The following INSL6 variants were observed in gnomAD, a reference collection of about 807,000 sequenced individuals.
The protein encoded by INSL6 is insulin like 6.
INSL6 carries 16 observed loss-of-function variants against 9.4 expected under a neutral mutation model. That is an observed-to-expected ratio of 1.70 (90% CI 1.15 to 2.59). The LOEUF (loss-of-function observed/expected upper bound fraction) is 2.59. INSL6 is among the 30% of genes most tolerant of loss of function. INSL6 has a pLI of 0.00. For synonymous variants in INSL6, 154 were observed against 96.9 expected (o/e 1.59, Z -3.46); for missense variants, 391 against 257.3 (o/e 1.52, Z -3.56).
intron 3 of INSL6, chr9:5,126,243 TA>T: frequency 1.2e-6 from 1 of 837,286 alleles, no homozygotes. Flanking sequence ...ACACATATAC[TA>T]AATTTTTTCC....
chr9:5,167,745 G>A (rs908273324), intron 1 of INSL6, among the ~76,000 whole-genome samples: 2 of 152,176 alleles, frequency 1.3e-5, no homozygotes, highest in Non-Finnish European at 2.9e-5. Flanking sequence ...CCAAGGGGCA[G>A]CCAGACTGCT....
intron 2 of INSL6, among the ~76,000 whole-genome samples, chr9:5,157,387 G>T (rs929683848): frequency 6.6e-6 from 1 of 152,052 alleles, no homozygotes; most frequent in Non-Finnish European, 1.5e-5. Flanking sequence ...TATGGTATTG[G>T]CATAATGATT....
At chr9:5,056,286 T>C in the INSL6 span, among the ~76,000 whole-genome samples, 2 of 152,112 alleles carry the variant, frequency 1.3e-5, no homozygotes, top group East Asian at 3.8e-4. Context: ...TTTTTTTAAA[T>C]AGCTTCAGAA....
chr9:5,078,923 G>C, the INSL6 span, among the ~76,000 whole-genome samples: 1 of 152,170 alleles, frequency 6.6e-6, no homozygotes, highest in African/African-American at 2.4e-5. Context: ...ACTTAACACA[G>C]TGGGTTAAAA....
chr9:4,999,351 T>G, the INSL6 span, among the ~76,000 whole-genome samples: 1 of 152,188 alleles, frequency 6.6e-6, no homozygotes, highest in Non-Finnish European at 1.5e-5. Context: ...ATATACTGTT[T>G]TAATAGGCAG....
the INSL6 span, chr9:5,081,944 A>G: frequency 4.2e-6 from 5 of 1,186,440 alleles, no homozygotes; most frequent in African/African-American, 1.6e-5. Context: ...TTCACTTTCT[A>G]CAACATTTTA....
chr9:5,072,605 A>C, the INSL6 span: 10 of 1,607,484 alleles, frequency 6.2e-6, no homozygotes, highest in Non-Finnish European at 8.5e-6. Flanking sequence ...TTCTGGATAA[A>C]GCACACAGAA....
chr9:5,066,139 T>A, the INSL6 span, among the ~76,000 whole-genome samples: 1 of 152,158 alleles, frequency 6.6e-6, no homozygotes, highest in Non-Finnish European at 1.5e-5. Flanking sequence ...TTTGTATAGA[T>A]TATATTTTGC....
chr9:5,156,069 G>A (rs1357995681), intron 2 of INSL6, among the ~76,000 whole-genome samples: 1 of 151,986 alleles, frequency 6.6e-6, no homozygotes, highest in Non-Finnish European at 1.5e-5. Context: ...GATGGTCAGG[G>A]AATATGATGA....
the INSL6 span, among the ~76,000 whole-genome samples, chr9:5,022,832 G>A: frequency 6.6e-6 from 1 of 152,156 alleles, no homozygotes; most frequent in African/African-American, 2.4e-5. Flanking sequence ...ATTTTTAAAT[G>A]TTCTTTTAAT....
downstream of INSL6, among the ~76,000 whole-genome samples, chr9:5,160,868 A>T (rs1337956473): frequency 6.6e-6 from 1 of 152,176 alleles, no homozygotes; most frequent in Non-Finnish European, 1.5e-5. Flanking sequence ...ATACACATAC[A>T]ACTTACCAAG....
the INSL6 span, among the ~76,000 whole-genome samples, chr9:5,035,026 A>G: frequency 7.0e-4 from 107 of 152,320 alleles, no homozygotes; most frequent in Middle Eastern, 6.8e-3. Context: ...AATCAAATAC[A>G]TGCAATAAAA....
In INSL6 at chr9:5,179,044, C is replaced by CAAA. The variant is rs57246500; in HGVS notation, c.289+6267_289+6269dup. 8.1e-3 allele frequency among the ~76,000 whole-genome samples: 1,073 copies of CAAA among 132,722 alleles called. 10 individuals are homozygous for CAAA. Among genetic ancestry groups the CAAA allele is most frequent in the Admixed American group, 0.012 (159 of 13,238 alleles). The allele number at this position is 132,722 out of a possible 152,430, so 87.1% of individuals were successfully genotyped here. On this transcript the variant is annotated intron_variant, in intron 1 of 1. Coordinates refer to ENST00000381641, the MANE Select transcript of INSL6 (RefSeq NM_007179.3). ...ATTAAACTAAAGGGCTTCTGCACAG[C>CAAA]AAAAAAAAAAAAAAATCATGAGAGT...
chr9:5,114,041 G>T, the INSL6 span: 1 of 319,258 alleles, frequency 3.1e-6, no homozygotes, highest in East Asian at 8.1e-5. Context: ...CCATACTGGA[G>T]GATGAGCTGG....
the INSL6 span, among the ~76,000 whole-genome samples, chr9:5,032,498 G>C: frequency 6.6e-6 from 1 of 152,242 alleles, no homozygotes; most frequent in African/African-American, 2.4e-5. Context: ...GCACCCCCAA[G>C]TAGGGGGAGA....
chr9:5,041,939 T>A, the INSL6 span: 1 of 383,502 alleles, frequency 2.6e-6, no homozygotes, highest in South Asian at 2.0e-5. Flanking sequence ...TGCTGTTTCT[T>A]CCCCCTGAAT....
At chr9:5,171,765 T>A (rs1307576632) in intron 1 of INSL6, among the ~76,000 whole-genome samples, 3 of 151,972 alleles carry the variant, frequency 2.0e-5, no homozygotes, top group Non-Finnish European at 2.9e-5. Flanking sequence ...AATATACCTA[T>A]GAATACAGTT....
intron 2 of INSL6, among the ~76,000 whole-genome samples, chr9:5,133,982 C>A (rs960859430): frequency 6.6e-6 from 1 of 152,072 alleles, no homozygotes; most frequent in East Asian, 1.9e-4. Flanking sequence ...CTACAATAAC[C>A]AGTTTAGAGA....
chr9:5,161,322 CA>C (rs1824921611), downstream of INSL6, among the ~76,000 whole-genome samples: 2 of 152,172 alleles, frequency 1.3e-5, no homozygotes, highest in African/African-American at 4.8e-5. Context: ...GAATGAAGGA[CA>C]AAAACCATAT....
Sources: allele counts gnomAD v4.1 joint callset (sites outside exome capture counted in the v4.1 genomes callset), GRCh38; gene constraint gnomAD v4.1.1; transcripts MANE v1.5; gene names NCBI Gene and HGNC (gene_info 2026-07-23, HGNC 2026-07-21).